Variants in GRM7 observed in about 807,000 individuals in gnomAD.
The protein encoded by GRM7 is metabotropic glutamate receptor 7.
A neutral mutation model predicts 84.5 loss-of-function variants in GRM7; 35 were observed. The observed-to-expected ratio is 0.41, with a 90% CI of 0.32 to 0.55. GRM7 has a LOEUF of 0.55. GRM7 is among the 20% of genes least tolerant of loss of function. The probability of loss-of-function intolerance (pLI) is 0.19; values close to 1 mark genes in which losing one functional copy is unlikely to be tolerated. For missense variants in GRM7, 1,003 were observed against 1,194.6 expected (o/e 0.84, Z 2.36); for synonymous variants, 487 against 455.1 (o/e 1.07, Z -0.89).
intron 1 of GRM7, among the ~76,000 whole-genome samples, chr3:6,931,428 T>C (rs925018494): frequency 1.1e-4 from 16 of 152,172 alleles, no homozygotes; most frequent in African/African-American, 3.9e-4. Flanking sequence ...ACTGGGATCA[T>C]GTTCCCACCT....
At chr3:6,908,301 C>T (rs749708078) in intron 1 of GRM7, among the ~76,000 whole-genome samples, 3 of 152,160 alleles carry the variant, frequency 2.0e-5, no homozygotes, top group Non-Finnish European at 2.9e-5. Flanking sequence ...GTTATCTTCA[C>T]CTTTGAAAAT....
chr3:6,950,424 C>G (rs1692699613), intron 1 of GRM7, among the ~76,000 whole-genome samples: 1 of 152,164 alleles, frequency 6.6e-6, no homozygotes, highest in Non-Finnish European at 1.5e-5. Context: ...GAAATTTTGT[C>G]TCAGAGGAGT....
intron 9 of GRM7, among the ~76,000 whole-genome samples, chr3:7,715,963 C>A (rs528865982): frequency 2.0e-5 from 3 of 152,254 alleles, no homozygotes; most frequent in African/African-American, 7.2e-5. Flanking sequence ...CTTCCCTAAC[C>A]CAAGCCAGGT....
chr3:6,898,627 T>C (rs1696275063), intron 1 of GRM7, among the ~76,000 whole-genome samples: 1 of 151,980 alleles, frequency 6.6e-6, no homozygotes, highest in Non-Finnish European at 1.5e-5. Flanking sequence ...GATGACAGTG[T>C]CAAGAAAAAG....
chr3:7,717,787 G>A lies in GRM7; in HGVS notation c.2699-22570G>A, dbSNP rs116253893. On this transcript the variant is annotated intron_variant, in intron 9 of 9. Transcript: ENST00000357716. ...CAGGGAGGAAGGAGAGAGTATTCAA[G>A]ATAGACAATTCTGCCAGAGATGCTT... Among the ~76,000 whole-genome samples, 290 of 152,304 alleles carry A rather than the reference G, an allele frequency of 1.9e-3. 2 individuals carry two copies. Among genetic ancestry groups the A allele is most frequent in the African/African-American group, 6.7e-3 (277 of 41,560 alleles).
intron 7 of GRM7, chr3:7,559,395 A>T (rs1693912533): frequency 6.6e-6 from 1 of 152,036 alleles, no homozygotes; most frequent in East Asian, 1.9e-4. Flanking sequence ...TGCTGCCTCT[A>T]GGGTGGCCAG....
In GRM7 at chr3:7,483,165, T is replaced by A. The variant is rs538102725; in HGVS notation, c.1515+21443T>A. ...CAAGTTGTATTGTAAATACTGAGGA[T>A]GCAACCTTGGACATGAGGTTTCTGA... On this transcript the variant is annotated intron_variant, in intron 7 of 9. Transcript: ENST00000357716. 5.9e-5 allele frequency among the ~76,000 whole-genome samples: 9 copies of A among 152,318 alleles called. No homozygotes were observed. In the East Asian group the frequency reaches 7.7e-4, roughly 13 times the overall value.
intron 7 of GRM7, among the ~76,000 whole-genome samples, chr3:7,557,647 T>G (rs1559401204): frequency 6.6e-6 from 1 of 152,232 alleles, no homozygotes; most frequent in South Asian, 2.1e-4. Flanking sequence ...AACATACAAT[T>G]GATGATAAGG....
chr3:7,527,242 C>A (rs1293506317), intron 7 of GRM7, among the ~76,000 whole-genome samples: 1 of 151,798 alleles, frequency 6.6e-6, no homozygotes, highest in East Asian at 1.9e-4. Flanking sequence ...ATCTTTCACC[C>A]CCTTGGTTAT....
intron 8 of GRM7, among the ~76,000 whole-genome samples, chr3:7,614,404 T>G (rs1182975963): frequency 6.6e-6 from 1 of 152,200 alleles, no homozygotes. Flanking sequence ...AGAATGCACG[T>G]GCAAGGAACA....
At chr3:6,961,738 T>C (rs945532535) in intron 1 of GRM7, among the ~76,000 whole-genome samples, 1 of 152,134 alleles carries the variant, frequency 6.6e-6, no homozygotes, top group Non-Finnish European at 1.5e-5. Flanking sequence ...TACCTCCTTG[T>C]TCTTAACTAG....
chr3:7,141,549 A>G (rs1456339440), intron 1 of GRM7, among the ~76,000 whole-genome samples: 1 of 152,088 alleles, frequency 6.6e-6, no homozygotes, highest in Non-Finnish European at 1.5e-5. Context: ...TAAAATCTTA[A>G]TGGAATTTTA....
At chr3:7,069,359 C>T (rs571870755) in intron 1 of GRM7, among the ~76,000 whole-genome samples, 4 of 152,076 alleles carry the variant, frequency 2.6e-5, no homozygotes, top group African/African-American at 9.6e-5. Flanking sequence ...TACTGCCAAC[C>T]TGGAGCCCAG....
intron 8 of GRM7, among the ~76,000 whole-genome samples, chr3:7,588,107 A>C (rs908033202): frequency 2.0e-5 from 3 of 152,100 alleles, no homozygotes; most frequent in African/African-American, 7.2e-5. Context: ...TAATCATAAG[A>C]ATTGTTGTTG....
chr3:7,625,389 G>T (rs1350710546), intron 8 of GRM7, among the ~76,000 whole-genome samples: 2 of 152,096 alleles, frequency 1.3e-5, no homozygotes, highest in Non-Finnish European at 2.9e-5. Context: ...ACTCGTACAG[G>T]GGATATATTT....
chr3:7,142,648 G>A (rs1403596790), intron 1 of GRM7, among the ~76,000 whole-genome samples: 1 of 152,042 alleles, frequency 6.6e-6, no homozygotes, highest in Non-Finnish European at 1.5e-5. Context: ...GGGATACAAA[G>A]CCTAACCATA....
intron 8 of GRM7, among the ~76,000 whole-genome samples, chr3:7,611,193 T>C (rs955604529): frequency 6.6e-6 from 1 of 152,152 alleles, no homozygotes. Flanking sequence ...CTTATCTTCT[T>C]GGATTATTGC....
chr3:7,251,493 T>C (rs1431854720), intron 2 of GRM7, among the ~76,000 whole-genome samples: 2 of 152,202 alleles, frequency 1.3e-5, no homozygotes, highest in African/African-American at 2.4e-5. Context: ...AGACTTCATA[T>C]GCGTGAATCA....
chr3:7,300,233 GC>G (rs1413993746), intron 3 of GRM7, among the ~76,000 whole-genome samples: 4 of 152,094 alleles, frequency 2.6e-5, no homozygotes, highest in Non-Finnish European at 5.9e-5. Flanking sequence ...AATGGCCTGG[GC>G]CCTTAAGTTC....
Sources: allele counts gnomAD v4.1 joint callset (sites outside exome capture counted in the v4.1 genomes callset), GRCh38; gene constraint gnomAD v4.1.1; transcripts MANE v1.5; gene names NCBI Gene and HGNC (gene_info 2026-07-23, HGNC 2026-07-21).